Variants in RASSF8 observed in about 807,000 individuals in gnomAD.
RASSF8 encodes ras association domain-containing protein 8.
Under a neutral mutation model 48.5 loss-of-function variants are expected in RASSF8, and 22 were observed. That is an observed-to-expected ratio of 0.45 (90% CI 0.32 to 0.65). RASSF8 has a LOEUF of 0.65. Among genes scored for constraint, RASSF8 ranks in the 30% least tolerant of loss-of-function variants. RASSF8 has a pLI of 0.03. For synonymous variants in RASSF8, 127 were observed against 171.5 expected (o/e 0.74, Z 2.03); for missense variants, 418 against 489.2 (o/e 0.85, Z 1.37).
chr12:26,059,597 T>TGTC, intron 3 of RASSF8, among the ~76,000 whole-genome samples: 1 of 152,338 alleles, frequency 6.6e-6, no homozygotes, highest in East Asian at 1.9e-4. Flanking sequence ...TGAGTCTCAT[T>TGTC]GTCTCATTTT....
intron 1 of RASSF8, among the ~76,000 whole-genome samples, chr12:25,986,651 C>G (rs1941882655): frequency 6.6e-6 from 1 of 152,208 alleles, no homozygotes. Context: ...CCCAGTTTCC[C>G]TCTAAATTGT....
At chr12:26,000,918 T>C (rs1942239884) in intron 2 of RASSF8, among the ~76,000 whole-genome samples, 1 of 152,000 alleles carries the variant, frequency 6.6e-6, no homozygotes, top group African/African-American at 2.4e-5. Flanking sequence ...GAGGACATTA[T>C]TGCACTCTTC....
intron 1 of RASSF8, among the ~76,000 whole-genome samples, chr12:25,987,247 T>C (rs1469130468): frequency 6.6e-6 from 1 of 152,202 alleles, no homozygotes; most frequent in Non-Finnish European, 1.5e-5. Flanking sequence ...GATTGAACTC[T>C]TGACATTTGG....
intron 1 of RASSF8, among the ~76,000 whole-genome samples, chr12:25,961,272 T>C (rs1391944251): frequency 1.3e-5 from 2 of 152,240 alleles, no homozygotes; most frequent in African/African-American, 4.8e-5. Context: ...CATAATGGCT[T>C]TGCTCCTTTA....
At chr12:26,036,594 G>A (rs1943155349) in intron 2 of RASSF8, among the ~76,000 whole-genome samples, 1 of 151,934 alleles carries the variant, frequency 6.6e-6, no homozygotes, top group Admixed American at 6.6e-5. Context: ...CCAGAAGACT[G>A]GTAACTTGAA....
At chr12:26,054,334 C>CA (rs1943555729) in intron 2 of RASSF8, among the ~76,000 whole-genome samples, 1 of 152,052 alleles carries the variant, frequency 6.6e-6, no homozygotes, top group South Asian at 2.1e-4. Flanking sequence ...GACTATATGA[C>CA]AAAGTAAAAA....
chr12:26,057,246 T>C (rs555205355), intron 3 of RASSF8, among the ~76,000 whole-genome samples: 83 of 152,270 alleles, frequency 5.5e-4, no homozygotes, highest in Admixed American at 2.0e-3. Context: ...GTCATTTACA[T>C]TGGATATTTC....
In RASSF8 at chr12:26,069,535, T is replaced by G. The variant is rs1337652002; in HGVS notation, c.*717T>G. 4 of 985,460 alleles carry G rather than the reference T, an allele frequency of 4.1e-6. No homozygotes were observed. The highest frequency in any genetic ancestry group is 4.8e-6 in the Non-Finnish European group (4 of 829,926). The allele number at this position is 985,460 out of a possible 1,614,324, so 61.0% of individuals were successfully genotyped here. A position where few individuals can be genotyped will look rare whatever the true frequency, so the allele number is the denominator to read the frequency against. ...AAGCTAAATTGTATGTATAAAACAT[T>G]TGCAGTGTTTCAGACACTGTTGAAC... On this transcript the variant is annotated 3_prime_UTR_variant, in exon 6 of 6. Transcript: ENST00000689635.
chr12:25,974,254 G>A (rs1941551749), intron 1 of RASSF8, among the ~76,000 whole-genome samples: 1 of 152,088 alleles, frequency 6.6e-6, no homozygotes, highest in African/African-American at 2.4e-5. Flanking sequence ...CGGAGGAGGT[G>A]AAAGAAAGAA....
At chr12:25,968,587 A>C (rs991658854) in intron 1 of RASSF8, among the ~76,000 whole-genome samples, 3 of 151,378 alleles carry the variant, frequency 2.0e-5, no homozygotes, top group East Asian at 1.9e-4. Flanking sequence ...CAGGTAATCC[A>C]CCCGCCTCAG....
At chr12:26,055,594 C>A in intron 3 of RASSF8, 148 bp downstream of exon 3, 2 of 720,870 alleles carry the variant, frequency 2.8e-6, no homozygotes, top group Non-Finnish European at 4.8e-6. Flanking sequence ...TACAGTTTGC[C>A]TGTGTTTAGG....
At chr12:26,048,432 A>T (rs2137198623) in intron 2 of RASSF8, among the ~76,000 whole-genome samples, 1 of 152,268 alleles carries the variant, frequency 6.6e-6, no homozygotes, top group Admixed American at 6.5e-5. Flanking sequence ...AAGAAAAGAA[A>T]GATGCATATG....
At chr12:25,967,409 A>T (rs1941384682) in intron 1 of RASSF8, among the ~76,000 whole-genome samples, 1 of 152,182 alleles carries the variant, frequency 6.6e-6, no homozygotes, top group Non-Finnish European at 1.5e-5. Context: ...ATTGATAATT[A>T]TATTACTTTT....
At chr12:26,030,959 A>AG (rs1255613414) in intron 2 of RASSF8, among the ~76,000 whole-genome samples, 6 of 152,298 alleles carry the variant, frequency 3.9e-5, no homozygotes, top group Admixed American at 1.3e-4. Flanking sequence ...CAAACCAGGT[A>AG]GCGGGCCATA....
chr12:26,015,264 C>T lies in RASSF8; in HGVS notation c.-109+20134C>T, dbSNP rs2137039188. Among the ~76,000 whole-genome samples the T allele has an allele frequency of 2.6e-5, 4 of 152,066 alleles. No homozygotes were observed. In the South Asian group the frequency reaches 8.3e-4, roughly 32 times the overall value. On this transcript the variant is annotated intron_variant, in intron 2 of 5. Transcript: ENST00000689635. ...GGTATTTTAGGCTCTCTACTGATCC[C>T]TTGGTAAAAGATGCTGCACCTACTG...
At chr12:26,044,718 T>C (rs1943336026) in intron 2 of RASSF8, among the ~76,000 whole-genome samples, 1 of 152,226 alleles carries the variant, frequency 6.6e-6, no homozygotes, top group African/African-American at 2.4e-5. Flanking sequence ...TATTTTGCCC[T>C]GGAATTTCAC....
rs188567269 is a variant in RASSF8 at position 26,034,600 on chromosome 12, T to A, written c.-108-20636T>A. Among the ~76,000 whole-genome samples, 244 of 152,180 alleles carry A rather than the reference T, an allele frequency of 1.6e-3. 1 individual carries two copies. The highest frequency in any genetic ancestry group is 5.5e-3 in the African/African-American group (230 of 41,526). Reference sequence around the variant, plus strand: ...GTGGGAATGACTAAGCAAATAATCTTAGGGGGGAGAAAAAGATCATTATTC... The same window carrying A: ...GTGGGAATGACTAAGCAAATAATCTAAGGGGGGAGAAAAAGATCATTATTC... On this transcript the variant is annotated intron_variant, in intron 2 of 5. Transcript: ENST00000689635.
rs1187150655 is a variant in RASSF8 at position 26,069,858 on chromosome 12, C to T, written c.*1040C>T. ...GGACCATTGTGGTTTCTTCCAGTCA[C>T]TTAGATGGAAAGGAGGTTAAACCTA... On this transcript the variant is annotated 3_prime_UTR_variant, in exon 6 of 6. Coordinates refer to ENST00000689635, the MANE Select transcript of RASSF8 (RefSeq NM_001394098.1). 2 of 984,556 alleles carry T rather than the reference C, an allele frequency of 2.0e-6. No individual in the cohort carries two copies. The highest frequency in any genetic ancestry group is 3.5e-5 in the African/African-American group (2 of 57,180). 61.0% of individuals were successfully genotyped at this position (984,556 alleles called of 1,614,324 possible). A position where few individuals can be genotyped will look rare whatever the true frequency, so the allele number is the denominator to read the frequency against.
intron 2 of RASSF8, among the ~76,000 whole-genome samples, chr12:25,999,868 G>A (rs1565611852): frequency 6.6e-6 from 1 of 152,138 alleles, no homozygotes; most frequent in South Asian, 2.1e-4. Context: ...AATATGCCAG[G>A]GATTAAACTC....
Sources: gnomAD v4.1 joint callset for allele counts (sites outside exome capture counted in the v4.1 genomes callset) on GRCh38, gnomAD v4.1.1 for gene constraint, MANE v1.5 for transcripts, NCBI Gene and HGNC (gene_info 2026-07-23, HGNC 2026-07-21) for gene names.